The following SLC17A1 variants were observed in gnomAD, a reference collection of about 807,000 sequenced individuals.
The protein encoded by SLC17A1 is sodium-dependent phosphate transport protein 1.
SLC17A1 carries 51 observed loss-of-function variants against 53.5 expected under a neutral mutation model. The ratio of observed to expected loss-of-function variants is 0.95; its 90% CI spans 0.76 to 1.20. The LOEUF (loss-of-function observed/expected upper bound fraction) is 1.20. Among genes scored for constraint, SLC17A1 ranks in the 50% most tolerant of loss-of-function variants. The probability of loss-of-function intolerance (pLI) is 0.00; values close to 1 mark genes in which losing one functional copy is unlikely to be tolerated. For synonymous variants in SLC17A1, 179 were observed against 198.8 expected (o/e 0.90, Z 0.84); for missense variants, 538 against 568.2 (o/e 0.95, Z 0.54).
At chr6:25,784,704 A>C (rs1763342167) in intron 12 of SLC17A1, among the ~76,000 whole-genome samples, 1 of 152,228 alleles carries the variant, frequency 6.6e-6, no homozygotes, top group African/African-American at 2.4e-5. Context: ...GATATTGTTC[A>C]GGATGTCATA....
chr6:25,830,851 C>T (rs1764921144), intron 1 of SLC17A1, among the ~76,000 whole-genome samples: 1 of 152,114 alleles, frequency 6.6e-6, no homozygotes, highest in African/African-American at 2.4e-5. Flanking sequence ...CCTGCCAATC[C>T]AGAATTCTAA....
Position 25,812,943 on chromosome 6 carries a change from A to G in SLC17A1, c.785T>C (p.Leu262Pro). The G allele has an allele frequency of 6.2e-7, 1 of 1,614,152 alleles. No individual in the cohort carries two copies. The highest frequency in any genetic ancestry group is 2.2e-5 in the East Asian group (1 of 44,886). Reference sequence around the variant, plus strand: ...ACCAGTGGAAATAGCCCAGACTGGAAGCGACTTAAGTATAGCCTTGATAGG... The same window carrying G: ...ACCAGTGGAAATAGCCCAGACTGGAGGCGACTTAAGTATAGCCTTGATAGG... ...SLPIKAILKS[L>P]PVWAISTGSF... The change falls in exon 8 of 13, where the codon CTT (leucine) becomes CCT (proline). Residue 262 changes from leucine to proline, a missense_variant. Coordinates refer to ENST00000244527, the MANE Select transcript of SLC17A1 (RefSeq NM_005074.5).
the SLC17A1 span, among the ~76,000 whole-genome samples, chr6:25,725,847 A>G: frequency 6.6e-6 from 1 of 152,118 alleles, no homozygotes; most frequent in East Asian, 1.9e-4. Context: ...ACCTCCACTG[A>G]AGTGCAAGTA....
intron 12 of SLC17A1, among the ~76,000 whole-genome samples, chr6:25,795,582 A>G (rs1425541325): frequency 1.3e-5 from 2 of 152,156 alleles, no homozygotes; most frequent in Non-Finnish European, 2.9e-5. Flanking sequence ...CAATAACTGC[A>G]GTTGGATTGA....
chr6:25,764,856 T>A, the SLC17A1 span, among the ~76,000 whole-genome samples: 1 of 152,248 alleles, frequency 6.6e-6, no homozygotes, highest in Non-Finnish European at 1.5e-5. Context: ...GAGGAAAATA[T>A]GAGTAACTGC....
chr6:25,748,632 G>A, the SLC17A1 span, among the ~76,000 whole-genome samples: 42 of 152,142 alleles, frequency 2.8e-4, no homozygotes, highest in Admixed American at 5.2e-4. Flanking sequence ...GACCTGCACC[G>A]GCACCGGTCT....
chr6:25,764,133 A>C, the SLC17A1 span, among the ~76,000 whole-genome samples: 1 of 152,164 alleles, frequency 6.6e-6, no homozygotes, highest in African/African-American at 2.4e-5. Flanking sequence ...ATCCTCACTT[A>C]TCCACCTGCA....
chr6:25,766,782 T>C, the SLC17A1 span, among the ~76,000 whole-genome samples: 1 of 152,342 alleles, frequency 6.6e-6, no homozygotes, highest in East Asian at 1.9e-4. Flanking sequence ...TCAAGGTCTT[T>C]AGACATTTTA....
Position 25,787,744 on chromosome 6 carries a change from C to T in SLC17A1, c.*3-4526G>A, listed in dbSNP as rs372304250. On this transcript the variant is annotated intron_variant, in intron 12 of 12. Coordinates refer to ENST00000244527, the MANE Select transcript of SLC17A1 (RefSeq NM_005074.5). ...TGAAACTACTGTGTCAGTTGGTCTA[C>T]AGGACCCCACAGTGAGCTGGCTCAC... is the stretch of plus-strand genomic sequence containing the variant. Among the ~76,000 whole-genome samples, 3 of 152,206 alleles carry T rather than the reference C, an allele frequency of 2.0e-5. 1 individual carries two copies. The highest frequency in any genetic ancestry group is 1.3e-4 in the Admixed American group (2 of 15,286).
chr6:25,796,919 C>T (rs1763613337), intron 12 of SLC17A1, among the ~76,000 whole-genome samples: 1 of 152,210 alleles, frequency 6.6e-6, no homozygotes, highest in Admixed American at 6.5e-5. Context: ...AACCTATATA[C>T]TAACCCATCA....
At chr6:25,777,035 A>T in the SLC17A1 span, 36 of 1,481,650 alleles carry the variant, frequency 2.4e-5, no homozygotes, top group Non-Finnish European at 3.1e-5. Context: ...CTGATGTGAA[A>T]GTAAAATGTG....
the SLC17A1 span, among the ~76,000 whole-genome samples, chr6:25,756,789 A>G: frequency 0.27 from 41,347 of 152,084 alleles, 6,834 homozygotes; most frequent in East Asian, 0.7. Context: ...TTCAATAAAT[A>G]TTTACTGAAT....
the SLC17A1 span, chr6:25,726,249 T>TTCC: frequency 1.2e-6 from 2 of 1,613,944 alleles, no homozygotes; most frequent in Non-Finnish European, 1.7e-6. Flanking sequence ...GCTTATTGAG[T>TTCC]TCCTCATCAT....
the SLC17A1 span, among the ~76,000 whole-genome samples, chr6:25,759,052 G>A: frequency 6.6e-6 from 1 of 152,086 alleles, no homozygotes; most frequent in Non-Finnish European, 1.5e-5. Flanking sequence ...TTTCATTGTT[G>A]AGCCAATGAT....
At chr6:25,773,629 C>G in the SLC17A1 span, 4 of 1,613,886 alleles carry the variant, frequency 2.5e-6, no homozygotes. Context: ...TTATGGCGTA[C>G]ACACCAACGT....
the SLC17A1 span, among the ~76,000 whole-genome samples, chr6:25,746,173 G>A: frequency 2.0e-5 from 3 of 151,958 alleles, no homozygotes; most frequent in Admixed American, 6.6e-5. Context: ...TCAAATTAAC[G>A]GTATGATTCA....
At chr6:25,757,208 C>G in the SLC17A1 span, among the ~76,000 whole-genome samples, 3 of 152,156 alleles carry the variant, frequency 2.0e-5, no homozygotes, top group African/African-American at 4.8e-5. Flanking sequence ...TTTAGTGGTA[C>G]GTTACATAAC....
chr6:25,773,810 C>T, the SLC17A1 span: 2 of 784,072 alleles, frequency 2.6e-6, no homozygotes, highest in Non-Finnish European at 3.9e-6. Context: ...ATAGGAAATG[C>T]AATCTAGTTA....
the SLC17A1 span, chr6:25,761,830 C>CT: frequency 1.5e-6 from 1 of 668,784 alleles, no homozygotes; most frequent in Admixed American, 3.3e-5. Context: ...TACCACTTTT[C>CT]TTATACAGCA....
Sources: gnomAD v4.1 joint callset for allele counts (sites outside exome capture counted in the v4.1 genomes callset) on GRCh38, gnomAD v4.1.1 for gene constraint, MANE v1.5 for transcripts, NCBI Gene and HGNC (gene_info 2026-07-23, HGNC 2026-07-21) for gene names.